The following KLF12 variants were observed in gnomAD, a reference collection of about 807,000 sequenced individuals.
KLF12 encodes the protein KLF transcription factor 12, also known as Krueppel-like factor 12.
Under a neutral mutation model 37.8 loss-of-function variants are expected in KLF12, and 9 were observed. The ratio of observed to expected loss-of-function variants is 0.24; its 90% CI spans 0.14 to 0.42. KLF12 has a LOEUF of 0.42. Ranked by LOEUF, KLF12 falls within the 10% of genes least tolerant of loss-of-function variation. KLF12 has a pLI of 1.00. For missense variants in KLF12, 411 were observed against 516.0 expected (o/e 0.80, Z 1.97); for synonymous variants, 208 against 202.1 (o/e 1.03, Z -0.25).
chr13:73,854,019 T>C (rs1247497477), intron 3 of KLF12, among the ~76,000 whole-genome samples: 2 of 152,202 alleles, frequency 1.3e-5, no homozygotes, highest in African/African-American at 4.8e-5. Flanking sequence ...TCCTATTATC[T>C]TGCAATTGTT....
chr13:73,786,328 G>A (rs1881340239), intron 5 of KLF12, among the ~76,000 whole-genome samples: 1 of 152,068 alleles, frequency 6.6e-6, no homozygotes, highest in South Asian at 2.1e-4. Flanking sequence ...CTAAACTCCT[G>A]CTTTCATTAT....
chr13:73,880,259 G>C (rs1158875484), intron 3 of KLF12, among the ~76,000 whole-genome samples: 2 of 152,270 alleles, frequency 1.3e-5, no homozygotes, highest in Non-Finnish European at 2.9e-5. Context: ...AACAGGAAAT[G>C]TTTTCTGGAC....
Position 73,693,524 on chromosome 13 carries a change from C to G in KLF12, c.*1966G>C, listed in dbSNP as rs1334127404. 6.6e-6 allele frequency: 1 copy of G among 152,186 alleles called. No homozygotes were observed. Among genetic ancestry groups the G allele is most frequent in the Non-Finnish European group, 1.5e-5 (1 of 68,018 alleles). 9.4% of individuals were successfully genotyped at this position (152,186 alleles called of 1,614,324 possible). On this transcript the variant is annotated 3_prime_UTR_variant, in exon 8 of 8. Transcript: ENST00000377669. The stretch of plus-strand genomic sequence containing the variant: ...CTGTTGCTTAATGTTTTAAAAAATT[C>G]CTTTTGAATACCATCCAACACAAAT...
chr13:73,738,130 C>T (rs148477288), intron 6 of KLF12, among the ~76,000 whole-genome samples: 1,209 of 79,736 alleles, frequency 0.015, 37 homozygotes, highest in African/African-American at 0.044. Flanking sequence ...TATATACACA[C>T]ACACACATAT....
chr13:74,159,010 G>C, the KLF12 span, among the ~76,000 whole-genome samples: 1 of 152,186 alleles, frequency 6.6e-6, no homozygotes, highest in Non-Finnish European at 1.5e-5. Flanking sequence ...AGAGGGACTG[G>C]AAAATCATCT....
intron 1 of KLF12, among the ~76,000 whole-genome samples, chr13:74,114,688 G>A (rs891225091): frequency 6.6e-6 from 1 of 152,112 alleles, no homozygotes; most frequent in Non-Finnish European, 1.5e-5. Flanking sequence ...AGTTGTCAAC[G>A]TGGGTTCCAG....
chr13:73,998,332 T>C (rs549572541), intron 1 of KLF12, among the ~76,000 whole-genome samples: 2 of 152,312 alleles, frequency 1.3e-5, no homozygotes, highest in Non-Finnish European at 2.9e-5. Context: ...CCCATAAGTA[T>C]ACTTGTTGCT....
chr13:73,869,928 G>A (rs1049818164), intron 3 of KLF12, among the ~76,000 whole-genome samples: 5 of 152,088 alleles, frequency 3.3e-5, no homozygotes, highest in Admixed American at 6.6e-5. Context: ...GCTCTGAGTA[G>A]AGCCACGCTG....
intron 4 of KLF12, among the ~76,000 whole-genome samples, chr13:73,840,082 A>T (rs1884659270): frequency 6.6e-6 from 1 of 152,110 alleles, no homozygotes; most frequent in African/African-American, 2.4e-5. Flanking sequence ...TTCCACTGAC[A>T]CACTGCAGGT....
intron 1 of KLF12, among the ~76,000 whole-genome samples, chr13:74,027,159 C>T (rs888665531): frequency 2.0e-5 from 3 of 152,154 alleles, no homozygotes; most frequent in Non-Finnish European, 4.4e-5. Context: ...GAATCAACTG[C>T]TTATCAATAA....
In KLF12 at chr13:73,715,451, C is replaced by T. The variant is rs753676273; in HGVS notation, c.944G>A (p.Arg315His). ...TCCCTCAAAATCACATCTGTGGATA[C>T]GCCGTTTTCTGGAGTCTGGGGATTC... The change falls in exon 7 of 8, where the codon CGT (arginine) becomes CAT (histidine). Residue 315 changes from arginine to histidine, a missense_variant. This residue lies in a region of KLF12 where 351 missense variants were observed against 397.8 expected (regional missense o/e 0.88). Coordinates refer to ENST00000377669, the MANE Select transcript of KLF12 (RefSeq NM_007249.5). 35 of 1,613,918 alleles carry T rather than the reference C, an allele frequency of 2.2e-5. No homozygotes were observed. Among genetic ancestry groups the T allele is most frequent in the Non-Finnish European group, 2.5e-5 (30 of 1,179,940 alleles).
the KLF12 span, among the ~76,000 whole-genome samples, chr13:74,294,446 G>A: frequency 6.6e-6 from 1 of 151,990 alleles, no homozygotes; most frequent in Non-Finnish European, 1.5e-5. Context: ...TCGGCTCACT[G>A]CAACCTCTGC....
At chr13:74,199,504 C>T in the KLF12 span, among the ~76,000 whole-genome samples, 1 of 152,132 alleles carries the variant, frequency 6.6e-6, no homozygotes, top group East Asian at 1.9e-4. Flanking sequence ...ATGTAGTGCA[C>T]TATTAATAAA....
chr13:74,177,140 A>C, the KLF12 span, among the ~76,000 whole-genome samples: 2 of 152,202 alleles, frequency 1.3e-5, no homozygotes, highest in Non-Finnish European at 2.9e-5. Context: ...ATACATTTTT[A>C]GTAACTTTTC....
upstream of KLF12, among the ~76,000 whole-genome samples, chr13:74,134,669 G>T (rs1427173282): frequency 3.3e-5 from 5 of 152,054 alleles, no homozygotes; most frequent in African/African-American, 4.8e-5. Context: ...TCGGCCGAGG[G>T]GGCCCGCGGG....
At chr13:74,229,272 A>G in the KLF12 span, among the ~76,000 whole-genome samples, 1 of 152,206 alleles carries the variant, frequency 6.6e-6, no homozygotes, top group Non-Finnish European at 1.5e-5. Flanking sequence ...TTGAACCAAG[A>G]TAAAAATACA....
the KLF12 span, among the ~76,000 whole-genome samples, chr13:74,236,066 G>C: frequency 2.0e-5 from 3 of 148,710 alleles, no homozygotes; most frequent in Non-Finnish European, 4.5e-5. Flanking sequence ...TCTAGCATTA[G>C]GTATATCTCC....
intron 3 of KLF12, among the ~76,000 whole-genome samples, chr13:73,932,305 T>C (rs1889723161): frequency 6.6e-6 from 1 of 152,168 alleles, no homozygotes; most frequent in African/African-American, 2.4e-5. Context: ...TTCTTCGCAT[T>C]TTCTTAAGAC....
intron 3 of KLF12, among the ~76,000 whole-genome samples, chr13:73,890,091 T>C (rs1887429938): frequency 6.6e-6 from 1 of 152,106 alleles, no homozygotes; most frequent in African/African-American, 2.4e-5. Flanking sequence ...TCTTTAAACA[T>C]GCCCATAGTA....
Sources: gnomAD v4.1 joint callset for allele counts (sites outside exome capture counted in the v4.1 genomes callset) on GRCh38, gnomAD v4.1.1 for gene constraint, gnomAD v4.1.1 regional missense constraint, MANE v1.5 for transcripts, NCBI Gene and HGNC (gene_info 2026-07-23, HGNC 2026-07-21) for gene names.